Variants in SLIT3 observed in about 807,000 individuals in gnomAD.
The protein encoded by SLIT3 is slit homolog 3 protein.
In SLIT3, 68 loss-of-function variants were observed where a neutral mutation model predicts 184.0. The ratio of observed to expected loss-of-function variants is 0.37; its 90% CI spans 0.30 to 0.45. SLIT3 has a LOEUF of 0.45. Ranked by LOEUF, SLIT3 falls within the 20% of genes least tolerant of loss-of-function variation. The probability of loss-of-function intolerance (pLI) is 1.00; values close to 1 mark genes in which losing one functional copy is unlikely to be tolerated. For synonymous variants in SLIT3, 831 were observed against 828.6 expected (o/e 1.00, Z -0.05); for missense variants, 1,707 against 2,026.0 (o/e 0.84, Z 3.02).
At chr5:169,237,697 A>G (rs1765252278) in intron 3 of SLIT3, among the ~76,000 whole-genome samples, 1 of 152,150 alleles carries the variant, frequency 6.6e-6, no homozygotes, top group African/African-American at 2.4e-5. Context: ...TGCCAGCTGT[A>G]TATCCTCTTC....
At chr5:168,849,957 T>C (rs1354257364) in intron 5 of SLIT3, among the ~76,000 whole-genome samples, 1 of 152,088 alleles carries the variant, frequency 6.6e-6, no homozygotes, top group East Asian at 1.9e-4. Context: ...ATAGGAAATC[T>C]AGAAGCGCTT....
At chr5:169,033,768 C>A (rs7706743) in intron 4 of SLIT3, among the ~76,000 whole-genome samples, 14,192 of 151,132 alleles carry the variant, frequency 0.094, 1,060 homozygotes, top group African/African-American at 0.2. Flanking sequence ...GGTCTTTTGC[C>A]CATTTTTAAA....
chr5:169,044,767 G>T (rs1757569429), intron 4 of SLIT3, among the ~76,000 whole-genome samples: 1 of 152,058 alleles, frequency 6.6e-6, no homozygotes, highest in South Asian at 2.1e-4. Context: ...AAAAAAAGAA[G>T]GAAAAAAGAA....
intron 4 of SLIT3, among the ~76,000 whole-genome samples, chr5:168,987,426 A>G (rs1169964899): frequency 1.3e-5 from 2 of 152,218 alleles, no homozygotes; most frequent in African/African-American, 4.8e-5. Context: ...AGGGCCAGCC[A>G]ATCCTGGTTT....
chr5:168,986,497 C>T (rs974509241), intron 4 of SLIT3, among the ~76,000 whole-genome samples: 5 of 152,116 alleles, frequency 3.3e-5, no homozygotes, highest in African/African-American at 4.8e-5. Context: ...TATTTATCAG[C>T]GAAAACATCA....
chr5:168,685,996 G>T, intron 30 of SLIT3, 69 bp from the exon 31 acceptor site: 1 of 1,500,886 alleles, frequency 6.7e-7, no homozygotes, highest in Non-Finnish European at 8.9e-7. Flanking sequence ...CAGTTACTCA[G>T]GCCAAAGAAC....
intron 4 of SLIT3, among the ~76,000 whole-genome samples, chr5:168,950,716 C>T (rs1327520147): frequency 6.6e-6 from 1 of 152,216 alleles, no homozygotes; most frequent in Non-Finnish European, 1.5e-5. Flanking sequence ...ATACCTGCCT[C>T]AAAACATTAC....
chr5:168,840,636 C>T (rs948212138), intron 6 of SLIT3, among the ~76,000 whole-genome samples: 2 of 152,120 alleles, frequency 1.3e-5, no homozygotes, highest in Admixed American at 1.3e-4. Context: ...ATAAGCACGA[C>T]TTACTTGGAG....
chr5:169,262,860 G>A (rs191147096), intron 1 of SLIT3, among the ~76,000 whole-genome samples: 114 of 152,298 alleles, frequency 7.5e-4, no homozygotes, highest in African/African-American at 2.5e-3. Context: ...TCAAAGTCCT[G>A]CGTCCATTTA....
chr5:168,908,702 C>T (rs1761159823), intron 4 of SLIT3, among the ~76,000 whole-genome samples: 1 of 152,164 alleles, frequency 6.6e-6, no homozygotes, highest in Admixed American at 6.5e-5. Flanking sequence ...TGAGGACCAG[C>T]AAGCAGGGTT....
intron 9 of SLIT3, among the ~76,000 whole-genome samples, chr5:168,797,796 G>C (rs191301563): frequency 1.3e-4 from 20 of 152,284 alleles, no homozygotes; most frequent in South Asian, 6.2e-4. Context: ...ATGAGGAAAA[G>C]AAAACCTAGA....
chr5:169,057,862 C>T (rs543050990), intron 4 of SLIT3, among the ~76,000 whole-genome samples: 3 of 152,254 alleles, frequency 2.0e-5, no homozygotes, highest in African/African-American at 4.8e-5. Flanking sequence ...GAGCATTCAC[C>T]CCAAAAAGGC....
intron 9 of SLIT3, among the ~76,000 whole-genome samples, chr5:168,804,058 G>A (rs999215014): frequency 3.3e-5 from 5 of 151,864 alleles, no homozygotes; most frequent in African/African-American, 1.2e-4. Context: ...TGTAATCCCA[G>A]AACTTTAGGA....
At chr5:169,065,286 C>G (rs888043560) in intron 4 of SLIT3, among the ~76,000 whole-genome samples, 32 of 152,136 alleles carry the variant, frequency 2.1e-4, no homozygotes, top group Non-Finnish European at 4.6e-4. Context: ...TTGGTGGCAG[C>G]TACCGTCTAG....
chr5:168,970,718 A>G (rs1167307178), intron 4 of SLIT3, among the ~76,000 whole-genome samples: 3 of 151,816 alleles, frequency 2.0e-5, no homozygotes, highest in Non-Finnish European at 4.4e-5. Flanking sequence ...GTAGTTTCCT[A>G]CTCCCACCCT....
At chr5:169,032,503 CCAGT>C (rs1757063698) in intron 4 of SLIT3, among the ~76,000 whole-genome samples, 2 of 141,288 alleles carry the variant, frequency 1.4e-5, no homozygotes, top group South Asian at 2.2e-4. Flanking sequence ...CACTTATGTG[CCAGT>C]CATTTTTTTT....
At chr5:168,743,499 G>A (rs1763703338) in intron 20 of SLIT3, among the ~76,000 whole-genome samples, 2 of 152,198 alleles carry the variant, frequency 1.3e-5, no homozygotes, top group Admixed American at 6.5e-5. Context: ...AATGTTGTGT[G>A]TGCTCTGACT....
At chr5:168,878,186 C>T (rs28505095) in intron 5 of SLIT3, among the ~76,000 whole-genome samples, 48,345 of 152,124 alleles carry the variant, frequency 0.32, 8,155 homozygotes, top group Non-Finnish European at 0.37. Context: ...CAGCACCTTC[C>T]GCCCTTCTAG....
intron 20 of SLIT3, among the ~76,000 whole-genome samples, chr5:168,746,713 TGTGGGTGTGGC>T (rs1754449346): frequency 2.0e-5 from 2 of 99,760 alleles, no homozygotes; most frequent in African/African-American, 4.1e-5. Context: ...TGGTGTGTGG[TGTGGGTGTGGC>T]GGTGTGTGGT....
Sources: gnomAD v4.1 joint callset for allele counts (sites outside exome capture counted in the v4.1 genomes callset) on GRCh38, gnomAD v4.1.1 for gene constraint, MANE v1.5 for transcripts, NCBI Gene and HGNC (gene_info 2026-07-23, HGNC 2026-07-21) for gene names.